The following ACYP2 variants were observed in gnomAD, a reference collection of about 807,000 sequenced individuals.
ACYP2 encodes acylphosphatase-2.
In ACYP2, 12 loss-of-function variants were observed where a neutral mutation model predicts 11.2. The ratio of observed to expected loss-of-function variants is 1.08; its 90% CI spans 0.69 to 1.74. ACYP2 has a LOEUF of 1.74. Ranked by LOEUF, ACYP2 falls within the 40% of genes most tolerant of loss-of-function variation. ACYP2 has a pLI of 0.00. For synonymous variants in ACYP2, 43 were observed against 32.2 expected (o/e 1.33, Z -1.13); for missense variants, 134 against 101.9 (o/e 1.31, Z -1.35).
chr2:54,090,417 T>G (rs1482325071), intron 4 of ACYP2, among the ~76,000 whole-genome samples: 1 of 152,012 alleles, frequency 6.6e-6, no homozygotes, highest in Non-Finnish European at 1.5e-5. Flanking sequence ...GATCACGAGG[T>G]AAGGAGTTTG....
chr2:54,157,991 C>G lies in ACYP2; in HGVS notation c.404+19243C>G, dbSNP rs546731064. ...AATTTGAAAACAACAGGAAAACCAA[C>G]TAAAAGTTGGCCTGCTTTTCTTTCT... is the stretch of plus-strand genomic sequence containing the variant. On this transcript the variant is annotated intron_variant, in intron 6 of 6. Transcript: ENST00000607452. 5.9e-5 allele frequency among the ~76,000 whole-genome samples: 9 copies of G among 152,252 alleles called. No homozygotes were observed. The East Asian group carries it at 1.4e-3, about 23-fold the overall frequency.
At chr2:54,014,404 C>T (rs557653724) in intron 2 of ACYP2, among the ~76,000 whole-genome samples, 1 of 152,048 alleles carries the variant, frequency 6.6e-6, no homozygotes, top group African/African-American at 2.4e-5. Context: ...ACTGCAACCT[C>T]CACCTCCCCA....
chr2:54,177,794 G>A (rs1683526426), intron 6 of ACYP2, among the ~76,000 whole-genome samples: 1 of 151,896 alleles, frequency 6.6e-6, no homozygotes, highest in Admixed American at 6.6e-5. Context: ...GGCCAGGCTG[G>A]TCTCGAACTC....
In ACYP2 at chr2:54,142,011, GTA is replaced by G. The variant is rs562561115; in HGVS notation, c.404+3267_404+3268del. On this transcript the variant is annotated intron_variant, in intron 6 of 6. Coordinates refer to ENST00000607452, the MANE Select transcript of ACYP2 (RefSeq NM_001320586.2). The stretch of plus-strand genomic sequence containing the variant: ...TGTGTGTGTGTGTGTGTGTGTGTGT[GTA>G]TATTTTGTTGTTGTTGTTGTTGTTG... 633 of 421,212 alleles carry G rather than the reference GTA, an allele frequency of 1.5e-3. 1 individual carries two copies. Among genetic ancestry groups the G allele is most frequent in the Non-Finnish European group, 2.2e-3 (527 of 237,870 alleles). 26.1% of individuals were successfully genotyped at this position (421,212 alleles called of 1,614,324 possible).
intron 4 of ACYP2, among the ~76,000 whole-genome samples, chr2:54,064,321 A>G (rs1394447735): frequency 6.6e-6 from 1 of 152,182 alleles, no homozygotes; most frequent in East Asian, 1.9e-4. Context: ...CCACCCAGCC[A>G]GTATCTGGGT....
At position 54,242,907 on chromosome 2, in the gene ACYP2, C is replaced by A. The variant is rs1290148744; in HGVS notation, c.405-61781C>A. ...AATGTATCCCAGTCATTAAATGATG[C>A]ATGACCGTATGTATTATCTGAAGTT... On this transcript the variant is annotated intron_variant, in intron 6 of 6. Transcript: ENST00000607452. Among the ~76,000 whole-genome samples, 6 of 152,340 alleles carry A rather than the reference C, an allele frequency of 3.9e-5. No individual in the cohort carries two copies. In the South Asian group the frequency reaches 1.2e-3, roughly 32 times the overall value.
At position 54,083,283 on chromosome 2, in the gene ACYP2, C is replaced by T. The variant is rs142799735; in HGVS notation, c.277+25923C>T. On this transcript the variant is annotated intron_variant, in intron 4 of 6. Coordinates refer to ENST00000607452, the MANE Select transcript of ACYP2 (RefSeq NM_001320586.2). ...TGTCTCTCTTGAGGGCTAATCAATA[C>T]GGCCATTAGCTTCCCAGACAGAGAC... Among the ~76,000 whole-genome samples the T allele has an allele frequency of 2.9e-3, 446 of 152,256 alleles. 2 individuals are homozygous for T. The highest frequency in any genetic ancestry group is 9.8e-3 in the African/African-American group (409 of 41,548).
At chr2:54,014,855 C>T (rs1667843559) in intron 2 of ACYP2, among the ~76,000 whole-genome samples, 1 of 151,934 alleles carries the variant, frequency 6.6e-6, no homozygotes, top group Admixed American at 6.6e-5. Context: ...GGACTCTTGG[C>T]CTCAAGCAGT....
chr2:54,074,704 C>T (rs535748989), intron 4 of ACYP2, among the ~76,000 whole-genome samples: 1 of 151,934 alleles, frequency 6.6e-6, no homozygotes, highest in South Asian at 2.1e-4. Context: ...TTAAGGAATT[C>T]GCTCACACAG....
chr2:53,980,952 G>A (rs970986599), intron 2 of ACYP2, among the ~76,000 whole-genome samples: 6 of 151,864 alleles, frequency 4.0e-5, no homozygotes, highest in Admixed American at 6.6e-5. Flanking sequence ...GGGTTTTGCC[G>A]TGTTGCCCAA....
chr2:54,196,702 T>C (rs1684495711), intron 6 of ACYP2, among the ~76,000 whole-genome samples: 3 of 152,092 alleles, frequency 2.0e-5, no homozygotes, highest in Admixed American at 2.0e-4. Context: ...CACCCTCTAG[T>C]TGCAACTAGC....
chr2:54,109,776 A>G (rs547259284), intron 4 of ACYP2, among the ~76,000 whole-genome samples: 27 of 152,286 alleles, frequency 1.8e-4, no homozygotes, highest in African/African-American at 6.0e-4. Flanking sequence ...TATGCCCCAC[A>G]TTCAGTTACC....
At chr2:53,999,457 A>T (rs1672708270) in intron 2 of ACYP2, among the ~76,000 whole-genome samples, 1 of 152,150 alleles carries the variant, frequency 6.6e-6, no homozygotes, top group South Asian at 2.1e-4. Flanking sequence ...TCAGAGAGGA[A>T]CTTCATGGGC....
At chr2:53,996,433 A>C (rs1672579113) in intron 2 of ACYP2, among the ~76,000 whole-genome samples, 1 of 152,096 alleles carries the variant, frequency 6.6e-6, no homozygotes, top group Non-Finnish European at 1.5e-5. Context: ...GAGGGGAGTA[A>C]AGAGGATTGG....
intron 6 of ACYP2, among the ~76,000 whole-genome samples, chr2:54,210,210 C>CT (rs1685276370): frequency 4.0e-5 from 6 of 150,380 alleles, no homozygotes; most frequent in Non-Finnish European, 7.4e-5. Context: ...TCTCTTAAAT[C>CT]CTTGATAAAA....
intron 6 of ACYP2, among the ~76,000 whole-genome samples, chr2:54,195,794 GTTTT>G (rs1168917459): frequency 3.2e-4 from 27 of 83,144 alleles, no homozygotes; most frequent in African/African-American, 7.9e-4. Flanking sequence ...TTTGTTGTGG[GTTTT>G]TTTTTTTTTT....
rs79004776 is a variant in ACYP2 at position 54,151,353 on chromosome 2, C to T, written c.404+12605C>T. On this transcript the variant is annotated intron_variant, in intron 6 of 6. Transcript: ENST00000607452. ...TCAAAAATAACTTTTCTCCAGCAGA[C>T]CATTAGTGGCATGAATGTCTGTGCA... 1.9e-4 allele frequency among the ~76,000 whole-genome samples: 29 copies of T among 152,282 alleles called. No individual in the cohort carries two copies. The Middle Eastern group carries it at 0.01, about 54-fold the overall frequency.
intron 4 of ACYP2, among the ~76,000 whole-genome samples, chr2:54,095,611 G>T (rs1337012390): frequency 7.5e-5 from 11 of 147,242 alleles, no homozygotes; most frequent in African/African-American, 2.8e-4. Flanking sequence ...CGAGTGGGGG[G>T]CTGACCCCCC....
chr2:54,159,783 T>G (rs1682626111), intron 6 of ACYP2, among the ~76,000 whole-genome samples: 1 of 152,116 alleles, frequency 6.6e-6, no homozygotes. Flanking sequence ...GCCTTGCCTC[T>G]CCTTCTGGCT....
Sources: allele counts gnomAD v4.1 joint callset (sites outside exome capture counted in the v4.1 genomes callset), GRCh38; gene constraint gnomAD v4.1.1; transcripts MANE v1.5; gene names NCBI Gene and HGNC (gene_info 2026-07-23, HGNC 2026-07-21).